The following KCNIP4 variants were observed in gnomAD, a reference collection of about 807,000 sequenced individuals.
The protein encoded by KCNIP4 is potassium voltage-gated channel interacting protein 4.
Under a neutral mutation model 34.0 loss-of-function variants are expected in KCNIP4, and 12 were observed. That is an observed-to-expected ratio of 0.35 (90% CI 0.23 to 0.57). The LOEUF (loss-of-function observed/expected upper bound fraction) is 0.57, where lower values mean the gene tolerates loss of function less well. Ranked by LOEUF, KCNIP4 falls within the 20% of genes least tolerant of loss-of-function variation. The pLI, the probability that KCNIP4 is intolerant of heterozygous loss-of-function variation, is 0.83. For synonymous variants in KCNIP4, 124 were observed against 102.2 expected (o/e 1.21, Z -1.29); for missense variants, 238 against 311.7 (o/e 0.76, Z 1.78).
chr4:21,762,498 C>G (rs1718126468), intron 1 of KCNIP4, among the ~76,000 whole-genome samples: 1 of 152,118 alleles, frequency 6.6e-6, no homozygotes, highest in Non-Finnish European at 1.5e-5. Flanking sequence ...CACTGCTAGG[C>G]TCAATAAATC....
chr4:20,917,837 C>T (rs138028206), intron 1 of KCNIP4, among the ~76,000 whole-genome samples: 1,676 of 152,214 alleles, frequency 0.011, 33 homozygotes, highest in African/African-American at 0.038. Context: ...AGCTAGCGAA[C>T]ACATTTGAGT....
chr4:21,877,874 T>C (rs1478031549), intron 1 of KCNIP4, among the ~76,000 whole-genome samples: 5 of 152,148 alleles, frequency 3.3e-5, no homozygotes, highest in Non-Finnish European at 5.9e-5. Flanking sequence ...TGTCACACAA[T>C]AGACACTGAG....
At chr4:21,178,021 C>T (rs1238427465) in intron 1 of KCNIP4, among the ~76,000 whole-genome samples, 1 of 152,000 alleles carries the variant, frequency 6.6e-6, no homozygotes, top group Non-Finnish European at 1.5e-5. Context: ...TATTAGCATG[C>T]CCCAGGCAGG....
chr4:21,822,349 A>C (rs1462653472), intron 1 of KCNIP4, among the ~76,000 whole-genome samples: 1 of 152,138 alleles, frequency 6.6e-6, no homozygotes, highest in African/African-American at 2.4e-5. Flanking sequence ...TAAGGGAGAA[A>C]CTTTCTTCCC....
chr4:21,123,997 C>A (rs1423020889), intron 1 of KCNIP4, among the ~76,000 whole-genome samples: 1 of 151,268 alleles, frequency 6.6e-6, no homozygotes, highest in Admixed American at 6.6e-5. Context: ...GTTACAGTAG[C>A]CCAAGCTAAG....
In KCNIP4 at chr4:21,708,987, T is replaced by C. The variant is rs570793671; in HGVS notation, c.61+239584A>G. 7.2e-5 allele frequency among the ~76,000 whole-genome samples: 11 copies of C among 152,294 alleles called. No homozygotes were observed. In the East Asian group the frequency reaches 2.1e-3, roughly 29 times the overall value. On this transcript the variant is annotated intron_variant, in intron 1 of 8. Coordinates refer to ENST00000382152, the MANE Select transcript of KCNIP4 (RefSeq NM_025221.6). Reference sequence around the variant, plus strand: ...CTTCCTTTATTAATTTTTCTGCAGATTAGTATTTTTTAAATTTTATTACAT... The same window carrying C: ...CTTCCTTTATTAATTTTTCTGCAGACTAGTATTTTTTAAATTTTATTACAT...
At chr4:21,094,564 T>A (rs1208728310) in intron 1 of KCNIP4, among the ~76,000 whole-genome samples, 3 of 152,180 alleles carry the variant, frequency 2.0e-5, no homozygotes, top group African/African-American at 7.2e-5. Flanking sequence ...CCTAGATGGT[T>A]CCAATGAGCC....
chr4:20,790,509 CA>C (rs1251175490), intron 3 of KCNIP4, among the ~76,000 whole-genome samples: 1 of 151,914 alleles, frequency 6.6e-6, no homozygotes, highest in African/African-American at 2.4e-5. Flanking sequence ...TACAGTTGTA[CA>C]AAAATATTTT....
At chr4:20,813,323 G>A (rs1716001609) in intron 3 of KCNIP4, among the ~76,000 whole-genome samples, 1 of 152,084 alleles carries the variant, frequency 6.6e-6, no homozygotes, top group Non-Finnish European at 1.5e-5. Flanking sequence ...TGTTGAGGAG[G>A]GTTTAAAATT....
chr4:21,393,936 C>T (rs562610394), intron 1 of KCNIP4, among the ~76,000 whole-genome samples: 34 of 152,194 alleles, frequency 2.2e-4, no homozygotes, highest in African/African-American at 8.2e-4. Flanking sequence ...ATTTATGGTC[C>T]AGATACCCTG....
chr4:21,708,745 A>C (rs1163457692), intron 1 of KCNIP4, among the ~76,000 whole-genome samples: 1 of 152,180 alleles, frequency 6.6e-6, no homozygotes, highest in African/African-American at 2.4e-5. Context: ...TAAAACAATG[A>C]GGTTGCTCAT....
At chr4:20,990,544 T>G (rs1351833802) in intron 1 of KCNIP4, among the ~76,000 whole-genome samples, 1 of 152,222 alleles carries the variant, frequency 6.6e-6, no homozygotes, top group Non-Finnish European at 1.5e-5. Context: ...ATTGCACTAA[T>G]GTATCTTGAA....
At chr4:20,785,491 C>T (rs1165458786) in intron 3 of KCNIP4, among the ~76,000 whole-genome samples, 1 of 152,000 alleles carries the variant, frequency 6.6e-6, no homozygotes, top group African/African-American at 2.4e-5. Flanking sequence ...AATCAATTAC[C>T]TGGGATGGTG....
intron 1 of KCNIP4, among the ~76,000 whole-genome samples, chr4:21,218,704 GC>G (rs1355751032): frequency 4.6e-5 from 7 of 152,138 alleles, no homozygotes; most frequent in Middle Eastern, 3.2e-3. Context: ...ACATCTCAAG[GC>G]CCATAGATTC....
At chr4:21,350,405 G>T (rs1453838195) in intron 1 of KCNIP4, among the ~76,000 whole-genome samples, 1 of 152,144 alleles carries the variant, frequency 6.6e-6, no homozygotes, top group South Asian at 2.1e-4. Context: ...ATACCCCAAG[G>T]AATATGCAGG....
chr4:21,730,181 T>C (rs1392322734), intron 1 of KCNIP4: 2 of 152,090 alleles, frequency 1.3e-5, no homozygotes, highest in Non-Finnish European at 2.9e-5. Flanking sequence ...ATGAATAAAA[T>C]AAAATAAGTG....
intron 1 of KCNIP4, among the ~76,000 whole-genome samples, chr4:21,945,348 T>C (rs1679053376): frequency 6.6e-6 from 1 of 152,200 alleles, no homozygotes; most frequent in Non-Finnish European, 1.5e-5. Context: ...CACTTTGTCC[T>C]ATCATTTGTT....
chr4:21,719,071 A>C (rs1714599848), intron 1 of KCNIP4: 1 of 152,222 alleles, frequency 6.6e-6, no homozygotes, highest in Non-Finnish European at 1.5e-5. Context: ...TGCCACCTTA[A>C]CAAGTGATCA....
At chr4:21,677,229 C>T (rs1749983800) in intron 1 of KCNIP4, among the ~76,000 whole-genome samples, 1 of 152,184 alleles carries the variant, frequency 6.6e-6, no homozygotes, top group Non-Finnish European at 1.5e-5. Flanking sequence ...CAATATTACA[C>T]ATCCAAAGGC....
Sources: gnomAD v4.1 joint callset for allele counts (sites outside exome capture counted in the v4.1 genomes callset) on GRCh38, gnomAD v4.1.1 for gene constraint, MANE v1.5 for transcripts, NCBI Gene and HGNC (gene_info 2026-07-23, HGNC 2026-07-21) for gene names.